Variants in SGCZ observed in about 807,000 individuals in gnomAD.
The protein encoded by SGCZ is sarcoglycan zeta.
SGCZ carries 40 observed loss-of-function variants against 41.3 expected under a neutral mutation model. The observed-to-expected ratio is 0.97, with a 90% CI of 0.75 to 1.26. The LOEUF is 1.26. Ranked by LOEUF, SGCZ falls within the 50% of genes most tolerant of loss-of-function variation. SGCZ has a pLI of 0.00. For missense variants in SGCZ, 552 were observed against 369.8 expected, an observed-to-expected ratio of 1.49 and a Z score of -4.04; for synonymous variants, 206 against 137.5, an observed-to-expected ratio of 1.50 and a Z score of -3.49.
chr8:14,264,344 C>G (rs1482429566), intron 3 of SGCZ, among the ~76,000 whole-genome samples: 1 of 152,138 alleles, frequency 6.6e-6, no homozygotes, highest in Non-Finnish European at 1.5e-5. Context: ...CACAATGAGA[C>G]AGAGTAGAGT....
chr8:14,971,676 A>T, intron 1 of SGCZ, among the ~76,000 whole-genome samples: 1 of 130,196 alleles, frequency 7.7e-6, no homozygotes, highest in South Asian at 2.4e-4. Context: ...AATGCGACGG[A>T]GTCCTGCTCT....
intron 1 of SGCZ, among the ~76,000 whole-genome samples, chr8:14,788,905 G>C (rs1800857256): frequency 6.6e-6 from 1 of 152,076 alleles, no homozygotes; most frequent in Non-Finnish European, 1.5e-5. Flanking sequence ...GGGGCCAGGA[G>C]TTTGACACCA....
chr8:14,655,273 A>G (rs187934011), intron 1 of SGCZ, among the ~76,000 whole-genome samples: 5 of 152,194 alleles, frequency 3.3e-5, no homozygotes, highest in Admixed American at 2.6e-4. Flanking sequence ...AATCTGCTCT[A>G]AAGACTTTAC....
At chr8:14,528,383 T>C (rs1193836742) in intron 2 of SGCZ, among the ~76,000 whole-genome samples, 2 of 152,078 alleles carry the variant, frequency 1.3e-5, no homozygotes, top group Non-Finnish European at 2.9e-5. Flanking sequence ...CTAAACAATA[T>C]GTATGCGTGT....
intron 1 of SGCZ, among the ~76,000 whole-genome samples, chr8:14,606,775 A>G (rs1421330691): frequency 6.6e-6 from 1 of 152,222 alleles, no homozygotes; most frequent in Non-Finnish European, 1.5e-5. Context: ...AGGAATGAAT[A>G]AGAAGAAATG....
chr8:14,853,979 A>C (rs2130661404), intron 1 of SGCZ, among the ~76,000 whole-genome samples: 1 of 143,462 alleles, frequency 7.0e-6, no homozygotes, highest in East Asian at 2.1e-4. Context: ...CCTACTCCTA[A>C]GTCATTCATT....
chr8:14,979,840 C>T (rs1801604159), intron 1 of SGCZ, among the ~76,000 whole-genome samples: 1 of 152,128 alleles, frequency 6.6e-6, no homozygotes, highest in Non-Finnish European at 1.5e-5. Context: ...GAAAATGCAG[C>T]TTTGTGTTTT....
intron 1 of SGCZ, among the ~76,000 whole-genome samples, chr8:15,051,696 C>T (rs1804519526): frequency 6.6e-6 from 1 of 152,190 alleles, no homozygotes; most frequent in South Asian, 2.1e-4. Context: ...TAGCTATCAC[C>T]CTGACTGTGA....
intron 1 of SGCZ, among the ~76,000 whole-genome samples, chr8:14,815,425 C>G (rs1656884093): frequency 6.7e-6 from 1 of 149,470 alleles, no homozygotes; most frequent in African/African-American, 2.5e-5. Flanking sequence ...TACTTCAAAA[C>G]AAAAGGGACT....
rs115382463 is a variant in SGCZ at position 14,842,149 on chromosome 8, T to C, written c.40-287223A>G. On this transcript the variant is annotated intron_variant, in intron 1 of 7. Coordinates refer to ENST00000382080, the MANE Select transcript of SGCZ (RefSeq NM_139167.4). ...CATGAAACTTTAGCCAGAACACACATAACTGCACATCAGGATAAATCTTCT... is the reference window on the plus strand; with the variant it reads ...CATGAAACTTTAGCCAGAACACACACAACTGCACATCAGGATAAATCTTCT... 5.4e-3 allele frequency among the ~76,000 whole-genome samples: 828 copies of C among 152,230 alleles called. 7 individuals carry two copies. Among genetic ancestry groups the C allele is most frequent in the African/African-American group, 0.019 (774 of 41,514 alleles).
intron 1 of SGCZ, among the ~76,000 whole-genome samples, chr8:15,056,001 T>C (rs1365466667): frequency 9.2e-5 from 14 of 152,172 alleles, no homozygotes; most frequent in Non-Finnish European, 2.9e-5. Flanking sequence ...GGTAAAGCAG[T>C]GATGTGATAA....
At chr8:15,186,535 T>A (rs762304899) in intron 1 of SGCZ, among the ~76,000 whole-genome samples, 12 of 152,186 alleles carry the variant, frequency 7.9e-5, no homozygotes, top group Non-Finnish European at 1.2e-4. Context: ...ATCATCAGCA[T>A]ATATAAAGCA....
At chr8:14,183,196 A>G (rs1433755282) in intron 4 of SGCZ, among the ~76,000 whole-genome samples, 1 of 152,118 alleles carries the variant, frequency 6.6e-6, no homozygotes, top group Non-Finnish European at 1.5e-5. Context: ...GATGCCTACA[A>G]AATATTGCCA....
chr8:14,566,809 G>T (rs530475436), intron 1 of SGCZ, among the ~76,000 whole-genome samples: 1 of 152,210 alleles, frequency 6.6e-6, no homozygotes, highest in East Asian at 1.9e-4. Flanking sequence ...CTCAGCTTGC[G>T]GGGAGGTGTG....
chr8:14,239,923 A>C (rs1798804918), intron 3 of SGCZ, among the ~76,000 whole-genome samples: 1 of 141,740 alleles, frequency 7.1e-6, no homozygotes, highest in Non-Finnish European at 1.6e-5. Context: ...AAAAAAAAAA[A>C]AAAAAAAAAA....
At chr8:14,432,914 C>CAAAAAAAAAAAAAAAAAAAAA (rs767979164) in intron 2 of SGCZ, among the ~76,000 whole-genome samples, 3 of 75,602 alleles carry the variant, frequency 4.0e-5, no homozygotes, top group African/African-American at 1.2e-4. Flanking sequence ...ACTGTGTCTC[C>CAAAAAAAAAAAAAAAAAAAAA]AAAAAAAAAA....
chr8:14,541,132 G>A (rs1803454130), intron 2 of SGCZ, among the ~76,000 whole-genome samples: 2 of 151,676 alleles, frequency 1.3e-5, no homozygotes, highest in African/African-American at 2.4e-5. Flanking sequence ...ATAAACAGGT[G>A]TAATTTTCTC....
intron 1 of SGCZ, among the ~76,000 whole-genome samples, chr8:15,105,197 C>A (rs1806777024): frequency 6.6e-6 from 1 of 152,110 alleles, no homozygotes; most frequent in Non-Finnish European, 1.5e-5. Context: ...TTAATCCTAT[C>A]TTTTATTTGT....
chr8:14,240,200 C>G (rs1798820071), intron 3 of SGCZ, among the ~76,000 whole-genome samples: 1 of 151,158 alleles, frequency 6.6e-6, no homozygotes. Flanking sequence ...TGGTGGTGGG[C>G]TCTTGTAATC....
Sources: allele counts gnomAD v4.1 joint callset (sites outside exome capture counted in the v4.1 genomes callset), GRCh38; gene constraint gnomAD v4.1.1; transcripts MANE v1.5; gene names NCBI Gene and HGNC (gene_info 2026-07-23, HGNC 2026-07-21).